ZFP91: variants seen among roughly 807,000 people sequenced by gnomAD.
ZFP91 encodes the protein ZFP91 zinc finger protein, atypical E3 ubiquitin ligase.
A neutral mutation model predicts 63.5 loss-of-function variants in ZFP91; 7 were observed. The observed-to-expected ratio is 0.11, with a 90% CI of 0.06 to 0.21. The LOEUF (loss-of-function observed/expected upper bound fraction) is 0.21, where lower values mean the gene tolerates loss of function less well. Ranked by LOEUF, ZFP91 falls within the 10% of genes least tolerant of loss-of-function variation. The pLI is 1.00. For synonymous variants in ZFP91, 330 were observed against 272.1 expected (o/e 1.21, Z -2.10); for missense variants, 628 against 736.6 (o/e 0.85, Z 1.71).
chr11:58,601,055 G>T (rs1178152022), intron 2 of ZFP91, among the ~76,000 whole-genome samples: 2 of 152,146 alleles, frequency 1.3e-5, no homozygotes, highest in African/African-American at 2.4e-5. Flanking sequence ...GTTTGCAAGG[G>T]ATATTGGCTT....
chr11:58,579,554 C>T lies in ZFP91; in HGVS notation c.273C>T (p.Val91=), dbSNP rs1214910020. 5 of 1,583,992 alleles carry T rather than the reference C, an allele frequency of 3.2e-6. No homozygotes were observed. The highest frequency in any genetic ancestry group is 1.8e-5 in the Admixed American group (1 of 57,036). Residue 91 remains valine, a synonymous_variant, in exon 1 of 11, where the codon GTC becomes GTT. Coordinates refer to ENST00000316059, the MANE Select transcript of ZFP91 (RefSeq NM_053023.5). ...RSSPSARPPD[V]PGQQPQAAKS... ...GCCCCAGCGCCAGGCCTCCCGACGT[C>T]CCCGGGCAGCAGCCCCAGGCCGCGA...
At position 58,599,125 on chromosome 11, in the gene ZFP91, G is replaced by T. The variant is rs578182201; in HGVS notation, c.371-10705G>T. On this transcript the variant is annotated intron_variant, in intron 2 of 10. Transcript: ENST00000316059. ...ATTTTTAAGGTTCACATTGTAACAT[G>T]TTAAGATTGCATTCCTTTTTATGGC... Among the ~76,000 whole-genome samples, 181 of 148,936 alleles carry T rather than the reference G, an allele frequency of 1.2e-3. 2 individuals are homozygous for T. The highest frequency in any genetic ancestry group is 4.1e-3 in the African/African-American group (170 of 41,286).
intron 1 of ZFP91, among the ~76,000 whole-genome samples, chr11:58,579,900 G>C (rs551982394): frequency 2.6e-5 from 4 of 152,060 alleles, no homozygotes; most frequent in Admixed American, 2.6e-4. Context: ...CCTCCTCCCT[G>C]ACACCCGCAG....
chr11:58,599,091 A>G (rs1855452643), intron 2 of ZFP91, among the ~76,000 whole-genome samples: 2 of 152,026 alleles, frequency 1.3e-5, no homozygotes, highest in East Asian at 3.9e-4. Context: ...AGCATCTATC[A>G]TATAGCATAT....
rs190457336 is a variant in ZFP91, at chr11:58,620,061, C to T, written c.*2355C>T. The stretch of plus-strand genomic sequence containing the variant: ...GAAAATGTATTCTCCTTTCCTATAC[C>T]GCTCTCCCAACAAAAAAACAACTAG... On this transcript the variant is annotated 3_prime_UTR_variant, in exon 11 of 11. Transcript: ENST00000316059. The T allele has an allele frequency of 5.9e-5, 9 of 152,088 alleles. No individual in the cohort carries two copies. The highest frequency in any genetic ancestry group is 1.9e-4 in the East Asian group (1 of 5,186). 9.4% of individuals were successfully genotyped at this position (152,088 alleles called of 1,614,324 possible).
At chr11:58,582,928 A>G (rs1221522145) in intron 1 of ZFP91, among the ~76,000 whole-genome samples, 2 of 152,178 alleles carry the variant, frequency 1.3e-5, no homozygotes, top group Non-Finnish European at 2.9e-5. Context: ...ATTGAAGCAT[A>G]GAAAGCTAGT....
chr11:58,590,063 G>A (rs546839589), intron 2 of ZFP91, among the ~76,000 whole-genome samples: 1 of 152,308 alleles, frequency 6.6e-6, no homozygotes, highest in East Asian at 1.9e-4. Context: ...CCACTTGAGA[G>A]TTAAAGCAGA....
At chr11:58,587,150 A>G (rs1373205348) in intron 2 of ZFP91, among the ~76,000 whole-genome samples, 1 of 152,206 alleles carries the variant, frequency 6.6e-6, no homozygotes, top group African/African-American at 2.4e-5. Context: ...TCAAACTGAA[A>G]TAATAAACAT....
rs553630682 is a variant in ZFP91, at chr11:58,619,972, A to G, written c.*2266A>G. The G allele has an allele frequency of 2.6e-5, 4 of 152,328 alleles. No homozygotes were observed. Among genetic ancestry groups the G allele is most frequent in the Non-Finnish European group, 5.9e-5 (4 of 68,034 alleles). 9.4% of individuals were successfully genotyped at this position (152,328 alleles called of 1,614,324 possible). A position where few individuals can be genotyped will look rare whatever the true frequency, so the allele number is the denominator to read the frequency against. On this transcript the variant is annotated 3_prime_UTR_variant, in exon 11 of 11. Transcript: ENST00000316059. Reference sequence around the variant, plus strand: ...TAAATTTCATTTGCAGTGGTTAGTCATCAGATATTTTAGCCACCTACACAA... The same window carrying G: ...TAAATTTCATTTGCAGTGGTTAGTCGTCAGATATTTTAGCCACCTACACAA...
intron 2 of ZFP91, among the ~76,000 whole-genome samples, chr11:58,607,318 A>G (rs770401524): frequency 7.9e-5 from 12 of 152,190 alleles, no homozygotes; most frequent in Admixed American, 3.9e-4. Flanking sequence ...ATCTCAAAAT[A>G]TGATTTCTAA....
At chr11:58,601,871 T>C (rs529809658) in intron 2 of ZFP91, among the ~76,000 whole-genome samples, 1 of 152,268 alleles carries the variant, frequency 6.6e-6, no homozygotes, top group Non-Finnish European at 1.5e-5. Context: ...AGAACGTACT[T>C]TATATGACTG....
At chr11:58,611,335 TTAAC>T (rs1855658768) in intron 5 of ZFP91, 2 of 494,660 alleles carry the variant, frequency 4.0e-6, no homozygotes, top group Non-Finnish European at 6.9e-6. Flanking sequence ...TTAGAATTTT[TTAAC>T]TAATTGTCTC....
chr11:58,581,225 TTTAATA>T (rs1183109318), intron 1 of ZFP91, among the ~76,000 whole-genome samples: 1 of 144,976 alleles, frequency 6.9e-6, no homozygotes, highest in African/African-American at 2.5e-5. Context: ...TTTTTCACTC[TTTAATA>T]TTACTATTCG....
At chr11:58,584,754 G>A (rs1358857940) in intron 1 of ZFP91, 102 bp from the exon 2 acceptor site, 1 of 1,066,380 alleles carries the variant, frequency 9.4e-7, no homozygotes, top group African/African-American at 1.7e-5. Context: ...CACTAGTCTA[G>A]ATGCTTTCTT....
chr11:58,613,594 A>G (rs567883733), intron 8 of ZFP91, among the ~76,000 whole-genome samples: 1 of 152,186 alleles, frequency 6.6e-6, no homozygotes, highest in Non-Finnish European at 1.5e-5. Flanking sequence ...TTTTATTTTA[A>G]AGTGATTTAG....
intron 2 of ZFP91, among the ~76,000 whole-genome samples, chr11:58,595,254 A>G (rs942694522): frequency 8.5e-5 from 13 of 152,356 alleles, no homozygotes; most frequent in African/African-American, 3.1e-4. Context: ...AGCAGTTAAT[A>G]CTTAAGATTT....
intron 1 of ZFP91, among the ~76,000 whole-genome samples, chr11:58,583,967 A>G (rs1462320689): frequency 2.0e-5 from 3 of 152,062 alleles, no homozygotes; most frequent in African/African-American, 4.8e-5. Context: ...TGTGGTATCT[A>G]TATGATAAAT....
Position 58,617,738 on chromosome 11 carries a change from C to A in ZFP91, c.*32C>A, listed in dbSNP as rs748612063. ...GGAAGACTTGGGGCATGGGACAGCT[C>A]AGACTTTGTATTTAAAAGTTAAAAA... On this transcript the variant is annotated 3_prime_UTR_variant, in exon 11 of 11. Transcript: ENST00000316059. The surrounding 1 kb of genome is among the most constrained non-coding windows in gnomAD (Gnocchi z 4.2). 2 of 1,456,784 alleles carry A rather than the reference C, an allele frequency of 1.4e-6. No homozygotes were observed. The highest frequency in any genetic ancestry group is 3.2e-5 in the South Asian group (2 of 63,172). 90.2% of individuals were successfully genotyped at this position (1,456,784 alleles called of 1,614,324 possible).
chr11:58,610,177 C>A, intron 3 of ZFP91, 121 bp from the exon 4 acceptor site: 1 of 1,408,484 alleles, frequency 7.1e-7, no homozygotes, highest in Non-Finnish European at 9.8e-7. Context: ...GAACAGTTTG[C>A]AGATATTCTG....
Sources: gnomAD v4.1 joint callset for allele counts (sites outside exome capture counted in the v4.1 genomes callset) on GRCh38, gnomAD v4.1.1 for gene constraint, Gnocchi (gnomAD v3.1) non-coding constraint, MANE v1.5 for transcripts, NCBI Gene and HGNC (gene_info 2026-07-23, HGNC 2026-07-21) for gene names.